The following ATG7 variants were observed in gnomAD, a reference collection of about 807,000 sequenced individuals.
ATG7 encodes the protein autophagy related 7.
A neutral mutation model predicts 82.4 loss-of-function variants in ATG7; 70 were observed. The observed-to-expected ratio is 0.85, with a 90% CI of 0.70 to 1.04. The LOEUF is 1.04. Among genes scored for constraint, ATG7 ranks in the 50% least tolerant of loss-of-function variants. The pLI is 0.00. For synonymous variants in ATG7, 287 were observed against 313.0 expected (o/e 0.92, Z 0.88); for missense variants, 792 against 864.3 (o/e 0.92, Z 1.05).
chr3:11,354,803 C>T (rs930715446), intron 14 of ATG7, among the ~76,000 whole-genome samples: 2 of 152,084 alleles, frequency 1.3e-5, no homozygotes, highest in African/African-American at 2.4e-5. Context: ...GGACAAAATA[C>T]GTAAAATTAC....
intron 3 of ATG7, among the ~76,000 whole-genome samples, chr3:11,289,623 T>A (rs1040595453): frequency 1.3e-5 from 2 of 152,254 alleles, no homozygotes; most frequent in African/African-American, 4.8e-5. Context: ...TGTGCAATCA[T>A]GGATCACTGC....
At chr3:11,430,334 T>C (rs2082757298) in intron 20 of ATG7, among the ~76,000 whole-genome samples, 1 of 152,264 alleles carries the variant, frequency 6.6e-6, no homozygotes, top group South Asian at 2.1e-4. Context: ...TTAAAATATA[T>C]ATATACCTTT....
chr3:11,484,224 T>A (rs2153036519), intron 20 of ATG7, among the ~76,000 whole-genome samples: 1 of 152,208 alleles, frequency 6.6e-6, no homozygotes, highest in South Asian at 2.1e-4. Flanking sequence ...TAGAACCCCG[T>A]GTCTACCAAA....
At chr3:11,549,714 T>C (rs923134236) in intron 20 of ATG7, among the ~76,000 whole-genome samples, 1 of 152,214 alleles carries the variant, frequency 6.6e-6, no homozygotes, top group Non-Finnish European at 1.5e-5. Flanking sequence ...GGCTCAAGTT[T>C]TTCTGTGGAC....
At chr3:11,425,619 GT>G (rs2082299984) in intron 19 of ATG7, among the ~76,000 whole-genome samples, 1 of 152,122 alleles carries the variant, frequency 6.6e-6, no homozygotes, top group African/African-American at 2.4e-5. Flanking sequence ...ACTCTTTACT[GT>G]TCTCCTAGTC....
Position 11,537,738 on chromosome 3 carries a change from G to C in ATG7, c.2080-17073G>C, listed in dbSNP as rs140932960. On this transcript the variant is annotated intron_variant, in intron 20 of 20. Transcript: ENST00000693202. ...TTCCTGAGGCCCTGCTCGGTGCCAG[G>C]TTCTGGGTCTGTGCTTTCCAGTTGT... Among the ~76,000 whole-genome samples the C allele has an allele frequency of 1.6e-3, 237 of 152,354 alleles. 2 individuals are homozygous for C. Among genetic ancestry groups the C allele is most frequent in the Middle Eastern group, 3.4e-3 (1 of 294 alleles).
intron 20 of ATG7, among the ~76,000 whole-genome samples, chr3:11,466,194 A>T (rs750777096): frequency 5.3e-5 from 8 of 152,250 alleles, no homozygotes; most frequent in Non-Finnish European, 1.0e-4. Context: ...AAGACTTGTT[A>T]TACAAGGAAA....
chr3:11,517,077 T>G (rs1044386178), intron 20 of ATG7, among the ~76,000 whole-genome samples: 1 of 150,792 alleles, frequency 6.6e-6, no homozygotes, highest in African/African-American at 2.4e-5. Context: ...AGCAAGACCC[T>G]GTCTCAAAAA....
the ATG7 span, among the ~76,000 whole-genome samples, chr3:11,573,572 A>C: frequency 6.6e-6 from 1 of 152,162 alleles, no homozygotes; most frequent in Non-Finnish European, 1.5e-5. Context: ...GCCATGGCTG[A>C]CCACTGCTGC....
chr3:11,342,046 C>A (rs1413259786), intron 12 of ATG7, 89 bp from the exon 13 acceptor site: 3 of 1,390,488 alleles, frequency 2.2e-6, no homozygotes, highest in Admixed American at 5.1e-5. Flanking sequence ...CTTATTATTT[C>A]TTATTTTCTT....
intron 9 of ATG7, among the ~76,000 whole-genome samples, chr3:11,327,692 GGTGGGACCCAGGCA>G (rs2152747764): frequency 6.6e-6 from 1 of 152,342 alleles, no homozygotes; most frequent in Non-Finnish European, 1.5e-5. Context: ...AACCTCTGGA[GGTGGGACCCAGGCA>G]GCAGTATTTT....
intron 2 of ATG7, 93 bp downstream of exon 2, chr3:11,281,195 G>A (rs950407015): frequency 4.6e-5 from 7 of 152,200 alleles, no homozygotes; most frequent in African/African-American, 1.7e-4. Flanking sequence ...AGTTATGCAG[G>A]CTGTGCACTG....
At chr3:11,558,193 C>A, downstream of ATG7, 1 of 308,732 alleles carries the variant, frequency 3.2e-6, no homozygotes, top group Non-Finnish European at 6.0e-6. Flanking sequence ...GGAAAAAGCA[C>A]AAAGCGTCTG....
At chr3:11,552,984 A>C (rs1274290030) in intron 20 of ATG7, among the ~76,000 whole-genome samples, 1 of 152,232 alleles carries the variant, frequency 6.6e-6, no homozygotes, top group Non-Finnish European at 1.5e-5. Flanking sequence ...TGAACAGAAC[A>C]ACCCCAACCA....
chr3:11,313,442 G>A, intron 8 of ATG7, 22 bp downstream of exon 8: 1 of 1,549,872 alleles, frequency 6.5e-7, no homozygotes. Context: ...TAACCAAAAT[G>A]CACATAAAAT....
chr3:11,456,011 C>T (rs1174416425), intron 20 of ATG7, among the ~76,000 whole-genome samples: 2 of 152,188 alleles, frequency 1.3e-5, no homozygotes, highest in African/African-American at 4.8e-5. Flanking sequence ...CTACAACTCA[C>T]TCTTCAAAAA....
intron 20 of ATG7, among the ~76,000 whole-genome samples, chr3:11,465,402 G>A (rs747821904): frequency 9.4e-5 from 14 of 148,486 alleles, no homozygotes; most frequent in South Asian, 4.3e-4. Context: ...CCAAGATCAC[G>A]CCACTGCACT....
intron 3 of ATG7, among the ~76,000 whole-genome samples, chr3:11,292,062 G>A (rs1025805476): frequency 7.2e-5 from 11 of 152,230 alleles, no homozygotes; most frequent in South Asian, 2.1e-4. Context: ...TGCAAGAGCC[G>A]AGGTGTGAGA....
rs1943184048 is a variant in ATG7, at chr3:11,282,179, TC to T, written c.-256-11del. On this transcript the variant is annotated splice_polypyrimidine_tract_variant and intron_variant, in intron 2 of 20. Transcript: ENST00000693202. ...TCCCACATTTTCTCAGCTGTCACTG[TC>T]CCTCCCATGTAGGCTTCTCAAACCC... 2.6e-5 allele frequency: 4 copies of T among 152,306 alleles called. No homozygotes were observed. The highest frequency in any genetic ancestry group is 7.2e-5 in the African/African-American group (3 of 41,558). 9.4% of individuals were successfully genotyped at this position (152,306 alleles called of 1,614,324 possible). A position where few individuals can be genotyped will look rare whatever the true frequency, so the allele number is the denominator to read the frequency against.
Sources: allele counts gnomAD v4.1 joint callset (sites outside exome capture counted in the v4.1 genomes callset), GRCh38; gene constraint gnomAD v4.1.1; transcripts MANE v1.5; gene names NCBI Gene and HGNC (gene_info 2026-07-23, HGNC 2026-07-21).